Variants in ALG13 observed in about 807,000 individuals in gnomAD.
The protein encoded by ALG13 is ALG13 UDP-N-acetylglucosaminyltransferase subunit, also known as UDP-N-acetylglucosamine transferase subunit ALG13.
Under a neutral mutation model 87.8 loss-of-function variants are expected in ALG13, and 11 were observed. The ratio of observed to expected loss-of-function variants is 0.13; its 90% CI spans 0.08 to 0.21. The LOEUF (loss-of-function observed/expected upper bound fraction) is 0.21, where lower values mean the gene tolerates loss of function less well. ALG13 is among the 10% of genes least tolerant of loss of function. The probability of loss-of-function intolerance (pLI) is 1.00; values close to 1 mark genes in which losing one functional copy is unlikely to be tolerated. For missense variants in ALG13, 756 were observed against 866.1 expected, an observed-to-expected ratio of 0.87 and a Z score of 1.60; for synonymous variants, 320 against 306.3, an observed-to-expected ratio of 1.04 and a Z score of -0.47.
intron 10 of ALG13, 66 bp from the exon 11 acceptor site, chrX:111,720,029 A>T (rs1602705027): frequency 1.3e-6 from 1 of 791,742 alleles, no homozygotes. Context: ...TGGTGTAGTC[A>T]TTAGGCTTAA....
intron 25 of ALG13, 28 bp from the exon 26 acceptor site, chrX:111,757,560 A>AT (rs1945379099): frequency 3.6e-6 from 4 of 1,104,058 alleles, no homozygotes; most frequent in African/African-American, 2.0e-5. Context: ...GAAGTTTCTT[A>AT]TTTTTTTGTT....
Position 111,718,170 on chromosome X carries a change from G to T in ALG13, c.1146G>T (p.Lys382Asn). 8.6e-7 allele frequency: 1 copy of T among 1,168,295 alleles called. No homozygotes were observed. ...DVFVVDEEEL[K>N]TAIKLFRSGS... ...TTGTTGTGGATGAAGAAGAGTTGAAGACTGCGATTAAATTGTTTCGAAGTG... is the reference window on the plus strand; with the variant it reads ...TTGTTGTGGATGAAGAAGAGTTGAATACTGCGATTAAATTGTTTCGAAGTG... The change falls in exon 10 of 27, where the codon AAG becomes AAT. Residue 382 changes from lysine (K) to asparagine (N), a missense_variant. By Grantham distance (94) the Lys-to-Asn change is moderately conservative. Coordinates refer to ENST00000394780, the MANE Select transcript of ALG13 (RefSeq NM_001099922.3).
At chrX:111,689,536 G>A (rs1935756230) in intron 3 of ALG13, 3 of 751,697 alleles carry the variant, frequency 4.0e-6, no homozygotes, top group African/African-American at 4.6e-5. Context: ...GGTTTAAGCC[G>A]TTGTTGTCAA....
intron 24 of ALG13, among the ~76,000 whole-genome samples, chrX:111,748,662 T>C (rs1249930746): frequency 8.9e-6 from 1 of 112,181 alleles, no homozygotes; most frequent in East Asian, 2.8e-4. Context: ...TTGTCAGGTA[T>C]GTTTCGTGAA....
intron 18 of ALG13, 51 bp downstream of exon 18, chrX:111,727,821 T>G: frequency 9.2e-7 from 1 of 1,087,584 alleles, no homozygotes; most frequent in Non-Finnish European, 1.2e-6. Context: ...TTTCATTTAT[T>G]TTTTTGAAGT....
At chrX:111,752,915 G>C in intron 25 of ALG13, 85 bp downstream of exon 25, 1 of 689,969 alleles carries the variant, frequency 1.4e-6, no homozygotes, top group Admixed American at 3.3e-5. Flanking sequence ...AACTTCGAAA[G>C]CCAAAATCAC....
At chrX:111,685,787 C>T (rs1289444673) in intron 3 of ALG13, among the ~76,000 whole-genome samples, 4 of 111,440 alleles carry the variant, frequency 3.6e-5, no homozygotes, top group Non-Finnish European at 7.5e-5. Flanking sequence ...GATCTGAGAC[C>T]CGAAATACAA....
intron 3 of ALG13, among the ~76,000 whole-genome samples, chrX:111,702,058 A>C (rs1320612992): frequency 8.9e-6 from 1 of 111,776 alleles, no homozygotes; most frequent in African/African-American, 3.2e-5. Context: ...ATTTCCTTAA[A>C]TTTGTTAAGA....
At position 111,759,984 on chromosome X, in the gene ALG13, A is replaced by G. The variant is rs372982045; in HGVS notation, c.3399A>G (p.Val1133=). ...CATCTCCCCCAGCTTCTCATTATGT[A>G]CCTCAGGGTATGTAAGATCCAGCAG... ...IAPSPPASHY[V]PQGM Residue 1133 remains valine (V), a synonymous_variant, in exon 27 of 27, where the codon GTA becomes GTG. Transcript: ENST00000394780. The G allele has an allele frequency of 7.4e-5, 89 of 1,208,770 alleles. No individual in the cohort carries two copies. In the African/African-American group the frequency reaches 1.3e-3, roughly 17 times the overall value.
chrX:111,739,782 G>A (rs191031569), intron 23 of ALG13, among the ~76,000 whole-genome samples: 15 of 112,754 alleles, frequency 1.3e-4, no homozygotes, highest in Admixed American at 2.8e-4. Context: ...CACTAGCCAC[G>A]TGTGGAAACT....
chrX:111,713,283 G>T lies in ALG13; in HGVS notation c.991G>T (p.Gly331Cys). The change falls in exon 8 of 27, where the codon GGC becomes TGC. Residue 331 changes from glycine to cysteine, a missense_variant. By Grantham distance (159) the Gly-to-Cys change is radical. Transcript: ENST00000394780. ...ACCTCCAACTTATGTCACAGATAAT[G>T]GCTATGAAGACAAGGTAAGAAGATG... is the stretch of plus-strand genomic sequence containing the variant. Reference protein sequence around the residue: ...GKPPTYVTDNGYEDKILLCYS... With the variant: ...GKPPTYVTDNCYEDKILLCYS... 1 of 1,182,724 alleles carries T rather than the reference G, an allele frequency of 8.5e-7. No individual in the cohort carries two copies. Among genetic ancestry groups the T allele is most frequent in the Non-Finnish European group, 1.1e-6 (1 of 872,406 alleles).
Position 111,759,895 on chromosome X carries a change from G to T in ALG13, c.3310G>T (p.Ala1104Ser). ...CVPPWHPVGT[A>S]YGGSSQIHGA... Reference sequence around the variant, plus strand: ...TCCCCCCTGGCATCCAGTTGGTACAGCATATGGTGGTTCTTCTCAAATTCA... The same window carrying T: ...TCCCCCCTGGCATCCAGTTGGTACATCATATGGTGGTTCTTCTCAAATTCA... The change falls in exon 27 of 27, where the codon GCA becomes TCA. Residue 1104 changes from alanine (A) to serine (S), a missense_variant. By Grantham distance (99) the Ala-to-Ser change is moderately conservative (BLOSUM62 1). Around this residue, in one of 9 missense-constraint regions of ALG13, gnomAD observed 110 missense variants for 104.9 expected, o/e 1.05. Transcript: ENST00000394780. 8.3e-7 allele frequency: 1 copy of T among 1,210,850 alleles called. No homozygotes were observed. Among genetic ancestry groups the T allele is most frequent in the South Asian group, 1.8e-5 (1 of 56,904 alleles).
intron 3 of ALG13, among the ~76,000 whole-genome samples, chrX:111,698,151 A>G (rs1191221423): frequency 1.8e-5 from 2 of 112,216 alleles, no homozygotes; most frequent in Non-Finnish European, 3.8e-5. Flanking sequence ...TATAAATAAT[A>G]TGCTTAAACT....
At position 111,713,382 on chromosome X, in the gene ALG13, T is replaced by G. The variant is rs1270671531; in HGVS notation, c.1005+85T>G. On this transcript the variant is annotated intron_variant, in intron 8 of 26. Coordinates refer to ENST00000394780, the MANE Select transcript of ALG13 (RefSeq NM_001099922.3). ...CCTGGATATTAAATCATTTTTAACCTAATTAATGAAAAGCATAGTCTGAAT... is the reference window on the plus strand; with the variant it reads ...CCTGGATATTAAATCATTTTTAACCGAATTAATGAAAAGCATAGTCTGAAT... 14 of 622,573 alleles carry G rather than the reference T, an allele frequency of 2.2e-5. No individual in the cohort carries two copies. In the East Asian group the frequency reaches 4.6e-4, roughly 21 times the overall value. The allele number at this position is 622,573 out of a possible 1,213,427, so 51.3% of individuals were successfully genotyped here.
intron 3 of ALG13, among the ~76,000 whole-genome samples, chrX:111,695,811 T>C (rs771235285): frequency 2.7e-5 from 3 of 111,593 alleles, no homozygotes; most frequent in Admixed American, 9.6e-5. Context: ...TTTAGAACCA[T>C]TGTGTTCCCT....
At chrX:111,739,648 G>A (rs1943577687) in intron 23 of ALG13, among the ~76,000 whole-genome samples, 1 of 112,324 alleles carries the variant, frequency 8.9e-6, no homozygotes, top group Admixed American at 9.4e-5. Flanking sequence ...ATGTGAACCA[G>A]CAATTTTGTA....
At chrX:111,749,520 G>A (rs761180941) in intron 24 of ALG13, among the ~76,000 whole-genome samples, 13 of 110,002 alleles carry the variant, frequency 1.2e-4, no homozygotes, top group African/African-American at 4.0e-4. Context: ...AAAAACGTCT[G>A]GAAATTAGGG....
At position 111,727,036 on chromosome X, in the gene ALG13, C is replaced by T. The variant is rs757484102; in HGVS notation, c.1957C>T (p.Arg653Trp). 8.3e-7 allele frequency: 1 copy of T among 1,210,789 alleles called. No individual in the cohort carries two copies. The highest frequency in any genetic ancestry group is 2.2e-5 in the Admixed American group (1 of 45,980). Residue 653 changes from arginine to tryptophan, a missense_variant, in exon 16 of 27, where the codon CGG becomes TGG. Coordinates refer to ENST00000394780, the MANE Select transcript of ALG13 (RefSeq NM_001099922.3). ...TCAGCATCCATCTCCGAGACAAGGT[C>T]GGGGATATGGGATGCCCAGGTAAGA... is the stretch of plus-strand genomic sequence containing the variant. ...HPQHPSPRQG[R>W]GYGMPRNSSR...
intron 26 of ALG13, among the ~76,000 whole-genome samples, chrX:111,758,473 C>T (rs1013953186): frequency 5.3e-5 from 6 of 112,209 alleles, no homozygotes; most frequent in African/African-American, 1.9e-4. Context: ...ATGTATCTTC[C>T]ACCATGAGCT....
Sources: gnomAD v4.1 joint callset for allele counts (sites outside exome capture counted in the v4.1 genomes callset) on GRCh38, gnomAD v4.1.1 for gene constraint, gnomAD v4.1.1 regional missense constraint, MANE v1.5 for transcripts, NCBI Gene and HGNC (gene_info 2026-07-23, HGNC 2026-07-21) for gene names.